The following LILRA4 variants were observed in gnomAD, a reference collection of about 807,000 sequenced individuals.
LILRA4 encodes the protein leukocyte immunoglobulin like receptor A4.
A neutral mutation model predicts 49.5 loss-of-function variants in LILRA4; 51 were observed. That is an observed-to-expected ratio of 1.03 (90% CI 0.82 to 1.30). LILRA4 has a LOEUF of 1.30. LILRA4 is among the 50% of genes most tolerant of loss of function. LILRA4 has a pLI of 0.00. For synonymous variants in LILRA4, 272 were observed against 265.6 expected, an observed-to-expected ratio of 1.02 and a Z score of -0.23; for missense variants, 624 against 625.6, an observed-to-expected ratio of 1.00 and a Z score of 0.03.
rs996326483 is a variant in LILRA4 at position 54,338,764 on chromosome 19, A to G, written c.71-84T>C. ...CAGCCCCAGGACCCCCCTCATCCCC[A>G]TCAGTCAGCCCAGAACTGCTGTCTT... On this transcript the variant is annotated intron_variant, in intron 2 of 7. Coordinates refer to ENST00000291759, the MANE Select transcript of LILRA4 (RefSeq NM_012276.5). 36 of 1,590,838 alleles carry G rather than the reference A, an allele frequency of 2.3e-5. No homozygotes were observed. The African/African-American group carries it at 4.0e-4, about 18-fold the overall frequency.
intron 5 of LILRA4, 22 bp downstream of exon 5, chr19:54,337,378 C>G: frequency 1.2e-6 from 2 of 1,608,936 alleles, no homozygotes; most frequent in Non-Finnish European, 8.5e-7. Flanking sequence ...GTCCCCCTGA[C>G]TGAACCCGCT....
In LILRA4 at chr19:54,337,160, C is replaced by T. The variant is rs765565849; in HGVS notation, c.953-17G>A. Reference sequence around the variant, plus strand: ...AGATCTGTCCTGGAGAAAAGAAGGACGGGTGAGGGGCTGCCCCACCTTGTT... The same window carrying T: ...AGATCTGTCCTGGAGAAAAGAAGGATGGGTGAGGGGCTGCCCCACCTTGTT... On this transcript the variant is annotated splice_polypyrimidine_tract_variant and intron_variant, in intron 5 of 7. Transcript: ENST00000291759. 6.4e-5 allele frequency: 102 copies of T among 1,598,152 alleles called. No homozygotes were observed. The highest frequency in any genetic ancestry group is 1.6e-4 in the African/African-American group (12 of 74,594).
chr19:54,337,707 A>G lies in LILRA4; in HGVS notation c.656-11T>C, dbSNP rs1019948056. ...GCTTCCTAGACACGCCTGGAGGGAA[A>G]GATGAGTTGGGACTCGGAGCGGCTG... On this transcript the variant is annotated splice_polypyrimidine_tract_variant and intron_variant, in intron 4 of 7. Transcript: ENST00000291759. 7 of 1,610,156 alleles carry G rather than the reference A, an allele frequency of 4.3e-6. No homozygotes were observed. Among genetic ancestry groups the G allele is most frequent in the Non-Finnish European group, 5.9e-6 (7 of 1,178,840 alleles).
In LILRA4 at chr19:54,337,710, T is replaced by C. The variant is rs529478718; in HGVS notation, c.656-14A>G. On this transcript the variant is annotated splice_polypyrimidine_tract_variant and intron_variant, in intron 4 of 7. Coordinates refer to ENST00000291759, the MANE Select transcript of LILRA4 (RefSeq NM_012276.5). ...TCCTAGACACGCCTGGAGGGAAAGA[T>C]GAGTTGGGACTCGGAGCGGCTGGTT... 2.5e-6 allele frequency: 4 copies of C among 1,609,906 alleles called. No homozygotes were observed. The highest frequency in any genetic ancestry group is 1.3e-5 in the African/African-American group (1 of 74,884).
At chr19:54,338,352 C>T in intron 3 of LILRA4, 44 bp downstream of exon 3, 1 of 1,610,186 alleles carries the variant, frequency 6.2e-7, no homozygotes, top group Non-Finnish European at 8.5e-7. Flanking sequence ...GACCCCCTTC[C>T]CGAGGGCAGA....
At chr19:54,336,118 G>A (rs1263222871) in intron 6 of LILRA4, 2 of 152,114 alleles carry the variant, frequency 1.3e-5, no homozygotes, top group African/African-American at 4.8e-5. Flanking sequence ...CTTCCTGCCT[G>A]GTTCTAGGAC....
rs2081292168 is a variant in LILRA4 at position 54,333,499 on chromosome 19, C to T, written c.*73G>A. On this transcript the variant is annotated 3_prime_UTR_variant, in exon 8 of 8. Transcript: ENST00000291759. ...GACATCTTCCTGCACCTGACCCATG[C>T]TTCTTCCCCTTGATATTCTCAGCAG... 2 of 1,459,242 alleles carry T rather than the reference C, an allele frequency of 1.4e-6. No individual in the cohort carries two copies. The highest frequency in any genetic ancestry group is 1.2e-5 in the South Asian group (1 of 86,884). 90.4% of individuals were successfully genotyped at this position (1,459,242 alleles called of 1,614,324 possible).
chr19:54,339,025 G>T, intron 1 of LILRA4, 35 bp downstream of exon 1: 3 of 1,613,742 alleles, frequency 1.9e-6, no homozygotes, highest in Non-Finnish European at 2.5e-6. Context: ...CTCTCTCCTA[G>T]ACTAGGGTCT....
At position 54,337,451 on chromosome 19, in the gene LILRA4, C is replaced by G. The variant is rs55828618; in HGVS notation, c.901G>C (p.Val301Leu). The stretch of plus-strand genomic sequence containing the variant: ...CTGGGGGCCGACCACTCGGAGGAGA[C>G]GTTGTGTGCGCCGTAGCATCTGTAC... Reference protein sequence around the residue: ...GQYRCYGAHNVSSEWSAPSDP... With the variant: ...GQYRCYGAHNLSSEWSAPSDP... The change falls in exon 5 of 8, where the codon GTC becomes CTC. Residue 301 changes from valine (V) to leucine (L), a missense_variant. By Grantham distance (32) the Val-to-Leu change is conservative (BLOSUM62 1). Coordinates refer to ENST00000291759, the MANE Select transcript of LILRA4 (RefSeq NM_012276.5). 11,092 of 1,611,732 alleles carry G rather than the reference C, an allele frequency of 6.9e-3. 42 individuals carry two copies. Among genetic ancestry groups the G allele is most frequent in the Middle Eastern group, 0.011 (51 of 4,570 alleles).
rs1222896096 is a variant in LILRA4, at chr19:54,336,856, C to T, written c.1240G>A (p.Glu414Lys). 2 of 1,614,226 alleles carry T rather than the reference C, an allele frequency of 1.2e-6. No homozygotes were observed. The highest frequency in any genetic ancestry group is 1.7e-6 in the Non-Finnish European group (2 of 1,180,038). The change falls in exon 6 of 8, where the codon GAG becomes AAG. Residue 414 changes from glutamate (E) to lysine (K), a missense_variant. Coordinates refer to ENST00000291759, the MANE Select transcript of LILRA4 (RefSeq NM_012276.5). Reference sequence around the variant, plus strand: ...GCGCCCTCACCTGAGACCACGAGCTCCAGGGGCTCACTGGGGTGAGACAGC... The same window carrying T: ...GCGCCCTCACCTGAGACCACGAGCTTCAGGGGCTCACTGGGGTGAGACAGC... ...YLLSHPSEPL[E>K]LVVSGATETL...
intron 6 of LILRA4, chr19:54,335,126 T>C (rs1358258027): frequency 6.6e-6 from 1 of 152,226 alleles, no homozygotes; most frequent in Admixed American, 6.5e-5. Context: ...ATAAAATATA[T>C]GTGATTAACA....
At chr19:54,338,803 C>T in intron 2 of LILRA4, 63 bp downstream of exon 2, 1 of 1,608,754 alleles carries the variant, frequency 6.2e-7, no homozygotes, top group South Asian at 1.1e-5. Context: ...CCCCAGCTGC[C>T]CAGGGGTGGT....
In LILRA4 at chr19:54,333,262, T is replaced by C. The variant is rs2081289391; in HGVS notation, c.*310A>G. 1 of 424,758 alleles carries C rather than the reference T, an allele frequency of 2.4e-6. No homozygotes were observed. Among genetic ancestry groups the C allele is most frequent in the African/African-American group, 2.0e-5 (1 of 49,022 alleles). 26.3% of individuals were successfully genotyped at this position (424,758 alleles called of 1,614,324 possible). A position where few individuals can be genotyped will look rare whatever the true frequency, so the allele number is the denominator to read the frequency against. ...GAAGAGATAGTCCCAGTAATACACATTAGAAAATGCAGTAGTTAGAAATAA... is the reference window on the plus strand; with the variant it reads ...GAAGAGATAGTCCCAGTAATACACACTAGAAAATGCAGTAGTTAGAAATAA... On this transcript the variant is annotated 3_prime_UTR_variant, in exon 8 of 8. Transcript: ENST00000291759.
chr19:54,333,446 T>G lies in LILRA4; in HGVS notation c.*126A>C, dbSNP rs2081291480. On this transcript the variant is annotated 3_prime_UTR_variant, in exon 8 of 8. Coordinates refer to ENST00000291759, the MANE Select transcript of LILRA4 (RefSeq NM_012276.5). ...TGAGGAGGAAAGCACCACAGTTTAA[T>G]GGAGGAAGCATCTTCTACAGACACC... The G allele has an allele frequency of 2.2e-6, 2 of 900,946 alleles. No individual in the cohort carries two copies. Among genetic ancestry groups the G allele is most frequent in the Non-Finnish European group, 3.5e-6 (2 of 578,580 alleles). The allele number at this position is 900,946 out of a possible 1,614,324, so 55.8% of individuals were successfully genotyped here. A position where few individuals can be genotyped will look rare whatever the true frequency, so the allele number is the denominator to read the frequency against.
At position 54,338,386 on chromosome 19, in the gene LILRA4, G is replaced by A. The variant is rs1333262743; in HGVS notation, c.355+10C>T. On this transcript the variant is annotated intron_variant, in intron 3 of 7. Coordinates refer to ENST00000291759, the MANE Select transcript of LILRA4 (RefSeq NM_012276.5). Reference sequence around the variant, plus strand: ...GAGCCTGGGGCTGGGACCCCTGAGTGTCCTCTCACCTGTCACCACCAGCTC... The same window carrying A: ...GAGCCTGGGGCTGGGACCCCTGAGTATCCTCTCACCTGTCACCACCAGCTC... The A allele has an allele frequency of 6.2e-7, 1 of 1,613,726 alleles. No individual in the cohort carries two copies.
intron 6 of LILRA4, chr19:54,336,573 G>A: frequency 1.7e-6 from 1 of 592,910 alleles, no homozygotes; most frequent in Non-Finnish European, 2.9e-6. Context: ...CCCCTCGGTG[G>A]GAGGTTCCCA....
rs368679017 is a variant in LILRA4, at chr19:54,337,546, C to T, written c.806G>A (p.Arg269Gln). 82 of 1,613,246 alleles carry T rather than the reference C, an allele frequency of 5.1e-5. No individual in the cohort carries two copies. The highest frequency in any genetic ancestry group is 1.9e-4 in the South Asian group (17 of 91,044). ...GADGLPQRPG[R>Q]QPQAGLSQAN... is the part of the protein sequence containing the mutation. ...CTGGGAGAGCCCAGCCTGGGGCTGC[C>T]GGCCAGGGCGCTGGGGGAGGCCATC... The change falls in exon 5 of 8, where the codon CGG becomes CAG. Residue 269 changes from arginine (R) to glutamine (Q), a missense_variant. By Grantham distance (43) the Arg-to-Gln change is conservative. Coordinates refer to ENST00000291759, the MANE Select transcript of LILRA4 (RefSeq NM_012276.5).
At position 54,333,895 on chromosome 19, in the gene LILRA4, G is replaced by T; in HGVS notation, c.1306+20C>A. Reference sequence around the variant, plus strand: ...ACCCTCTGTGCCCAGCCCCATAACTGGGAGAATCTCCTCACTCACCAGTCT... The same window carrying T: ...ACCCTCTGTGCCCAGCCCCATAACTTGGAGAATCTCCTCACTCACCAGTCT... On this transcript the variant is annotated intron_variant, in intron 7 of 7. Transcript: ENST00000291759. 1 of 1,613,322 alleles carries T rather than the reference G, an allele frequency of 6.2e-7. No homozygotes were observed. The highest frequency in any genetic ancestry group is 8.5e-7 in the Non-Finnish European group (1 of 1,179,322).
At chr19:54,336,601 A>G in intron 6 of LILRA4, 1 of 663,194 alleles carries the variant, frequency 1.5e-6, no homozygotes, top group Non-Finnish European at 2.5e-6. Context: ...CCACCCTTCC[A>G]TGGGCTGGGC....
Sources: gnomAD v4.1 joint callset for allele counts on GRCh38, gnomAD v4.1.1 for gene constraint, MANE v1.5 for transcripts, NCBI Gene and HGNC (gene_info 2026-07-23, HGNC 2026-07-21) for gene names.